Variants in NFS1 observed in about 807,000 individuals in gnomAD.
NFS1 encodes the protein NFS1 cysteine desulfurase.
Under a neutral mutation model 57.3 loss-of-function variants are expected in NFS1, and 26 were observed. That is an observed-to-expected ratio of 0.45 (90% confidence interval 0.33 to 0.63). The LOEUF is 0.63. Ranked by LOEUF, NFS1 falls within the 20% of genes least tolerant of loss-of-function variation. The pLI is 0.02. For synonymous variants in NFS1, 209 were observed against 216.3 expected (o/e 0.97, Z 0.30); for missense variants, 505 against 605.8 (o/e 0.83, Z 1.75).
Position 35,687,415 on chromosome 20 carries a change from CCTCTCTCT to C in NFS1, c.561+2990_561+2997del, listed in dbSNP as rs141567718. On this transcript the variant is annotated intron_variant, in intron 5 of 12. Coordinates refer to ENST00000374092, the MANE Select transcript of NFS1 (RefSeq NM_021100.5). ...TGGCGTAAGCTGTCTCTCTCTCTCTCCTCTCTCTCTCTCTCTCTCTCTCTGCCTTGGCT... is the reference window on the plus strand; with the variant it reads ...TGGCGTAAGCTGTCTCTCTCTCTCTCCTCTCTCTCTCTCTCTGCCTTGGCT... 4.7e-5 allele frequency among the ~76,000 whole-genome samples: 7 copies of C among 147,974 alleles called. No homozygotes were observed. In the East Asian group the frequency reaches 7.9e-4, roughly 17 times the overall value.
chr20:35,689,660 C>T (rs1363202692), intron 5 of NFS1, among the ~76,000 whole-genome samples: 1 of 150,470 alleles, frequency 6.6e-6, no homozygotes, highest in African/African-American at 2.4e-5. Context: ...ATCCCAGCTA[C>T]TTGGGAGGCC....
Position 35,699,238 on chromosome 20 carries a change from A to G in NFS1, c.51T>C (p.Ala17=). 1 of 1,432,352 alleles carries G rather than the reference A, an allele frequency of 7.0e-7. No homozygotes were observed. Among genetic ancestry groups the G allele is most frequent in the Non-Finnish European group, 9.1e-7 (1 of 1,102,332 alleles). The allele number at this position is 1,432,352 out of a possible 1,614,324, so 88.7% of individuals were successfully genotyped here. ...WRRAAVAVTA[A]PGPKPAAPTR... Reference sequence around the variant, plus strand: ...TGGGCGCCGCGGGCTTCGGCCCTGGAGCCGCTGTCACCGCCACTGCCGCCC... The same window carrying G: ...TGGGCGCCGCGGGCTTCGGCCCTGGGGCCGCTGTCACCGCCACTGCCGCCC... The change falls in exon 1 of 13, where the codon GCT becomes GCC. Residue 17 remains alanine, a synonymous_variant. Transcript: ENST00000374092. This position sits in a 1 kb window ranked among gnomAD's most constrained non-coding sequence, Gnocchi z 4.4.
chr20:35,684,972 C>T (rs1367695421), intron 5 of NFS1, among the ~76,000 whole-genome samples: 2 of 151,200 alleles, frequency 1.3e-5, no homozygotes, highest in African/African-American at 4.9e-5. Context: ...CTGCAACCTC[C>T]GCCTCCCAGG....
rs1400791724 is a variant in NFS1, at chr20:35,698,540, G to C, written c.148C>G (p.Pro50Ala). 6.2e-7 allele frequency: 1 copy of C among 1,613,678 alleles called. No individual in the cohort carries two copies. Among genetic ancestry groups the C allele is most frequent in the East Asian group, 2.2e-5 (1 of 44,846 alleles). The change falls in exon 2 of 13, where the codon CCG becomes GCG. Residue 50 changes from proline to alanine, a missense_variant. Pro to Ala is a conservative substitution (Grantham distance 27, BLOSUM62 -1). Coordinates refer to ENST00000374092, the MANE Select transcript of NFS1 (RefSeq NM_021100.5). ...GGTCGCAGCACTGGCCCCACCTCCG[G>C]GGCAGCGGCTGTATCTGCGGGAACC... ...SAVPADTAAA[P>A]EVGPVLRPLY...
intron 5 of NFS1, among the ~76,000 whole-genome samples, chr20:35,685,561 T>C (rs1030116529): frequency 1.1e-4 from 16 of 144,724 alleles, no homozygotes; most frequent in Non-Finnish European, 2.4e-4. Context: ...AAATATTTTA[T>C]ATATATATAT....
intron 7 of NFS1, chr20:35,675,834 G>A (rs1305400356): frequency 7.0e-6 from 1 of 143,204 alleles, no homozygotes; most frequent in Admixed American, 7.3e-5. Flanking sequence ...TCAAGCCACT[G>A]CACTCCAGCC....
chr20:35,669,745 G>T (rs2034623051), intron 12 of NFS1, 60 bp from the exon 13 acceptor site: 2 of 1,500,010 alleles, frequency 1.3e-6, no homozygotes, highest in Non-Finnish European at 1.9e-6. Context: ...GACAACATTG[G>T]CCCCAAGGCT....
chr20:35,685,865 CA>C (rs72491026), intron 5 of NFS1, among the ~76,000 whole-genome samples: 132 of 66,568 alleles, frequency 2.0e-3, no homozygotes, highest in Middle Eastern at 0.02. Flanking sequence ...TACCCCCCCG[CA>C]AAAAAAAAAA....
intron 4 of NFS1, among the ~76,000 whole-genome samples, chr20:35,692,666 G>C (rs139624785): frequency 4.0e-5 from 6 of 150,784 alleles, no homozygotes; most frequent in Non-Finnish European, 8.8e-5. Flanking sequence ...CTGCACTCCA[G>C]CCTAGGTGAG....
chr20:35,690,015 T>A (rs1258536060), intron 5 of NFS1, among the ~76,000 whole-genome samples: 1 of 142,198 alleles, frequency 7.0e-6, no homozygotes, highest in Non-Finnish European at 1.5e-5. Context: ...AGGAGAATCA[T>A]TAGAACCCAG....
At chr20:35,673,472 A>C in intron 11 of NFS1, 129 bp downstream of exon 11, 1 of 697,730 alleles carries the variant, frequency 1.4e-6, no homozygotes, top group Non-Finnish European at 2.4e-6. Context: ...AACTTTCACA[A>C]GGTTATGAGA....
In NFS1 at chr20:35,697,348, T is replaced by A. The variant is rs146307927; in HGVS notation, c.324+336A>T. ...ATTGAGCTCTTACTATTTATAGTAC[T>A]TCTTACTTACAGATGTTGTGGTAAT... On this transcript the variant is annotated intron_variant, in intron 3 of 12. Transcript: ENST00000374092. Among the ~76,000 whole-genome samples the A allele has an allele frequency of 1.2e-3, 180 of 152,058 alleles. 1 individual carries two copies. The highest frequency in any genetic ancestry group is 4.2e-3 in the African/African-American group (173 of 41,500).
chr20:35,679,825 G>C (rs538550539), intron 7 of NFS1, among the ~76,000 whole-genome samples: 1 of 152,274 alleles, frequency 6.6e-6, no homozygotes, highest in East Asian at 1.9e-4. Context: ...ACTTGAGAAA[G>C]AGGAGTTATA....
At chr20:35,691,278 A>G (rs1005189304) in intron 4 of NFS1, among the ~76,000 whole-genome samples, 2 of 152,168 alleles carry the variant, frequency 1.3e-5, no homozygotes, top group African/African-American at 4.8e-5. Flanking sequence ...ACCAATATTT[A>G]GCACCTCCAG....
intron 4 of NFS1, among the ~76,000 whole-genome samples, chr20:35,691,478 C>T (rs374723992): frequency 6.6e-6 from 1 of 150,570 alleles, no homozygotes; most frequent in Non-Finnish European, 1.5e-5. Context: ...CAGTGCCTCA[C>T]GACTGTAATC....
At position 35,669,363 on chromosome 20, in the gene NFS1, C is replaced by G. The variant is rs1254048053; in HGVS notation, c.*259G>C. On this transcript the variant is annotated 3_prime_UTR_variant, in exon 13 of 13. Transcript: ENST00000374092. ...GATGTGCCCAGCAGCAATATGACAG[C>G]AAATGTCTCTATGGCTTCGGGATGA... 1.0e-5 allele frequency: 4 copies of G among 386,170 alleles called. No homozygotes were observed. Among genetic ancestry groups the G allele is most frequent in the Non-Finnish European group, 1.9e-5 (4 of 209,844 alleles). The allele number at this position is 386,170 out of a possible 1,614,324, so 23.9% of individuals were successfully genotyped here. A position where few individuals can be genotyped will look rare whatever the true frequency, so the allele number is the denominator to read the frequency against.
At position 35,674,604 on chromosome 20, in the gene NFS1, C is replaced by T. The variant is rs375933198; in HGVS notation, c.962G>A (p.Arg321Gln). The change falls in exon 9 of 13, where the codon CGA (arginine) becomes CAA (glutamine). Residue 321 changes from arginine (R) to glutamine (Q), a missense_variant. Arg to Gln is a conservative substitution (Grantham distance 43, BLOSUM62 1). Transcript: ENST00000374092. ...AQQEMEYDHKRISKLSERLIQ... is the reference protein window; with the variant it reads ...AQQEMEYDHKQISKLSERLIQ... ...CAGCCGCTCTGACAACTTTGAGATT[C>T]GCTTGTGGTCATACTAAGGAGCAGG... is the stretch of plus-strand genomic sequence containing the variant. The T allele has an allele frequency of 1.9e-5, 31 of 1,613,782 alleles. No homozygotes were observed. The highest frequency in any genetic ancestry group is 1.6e-4 in the South Asian group (15 of 91,062).
intron 5 of NFS1, among the ~76,000 whole-genome samples, chr20:35,688,032 T>G (rs1468074040): frequency 6.6e-6 from 1 of 152,078 alleles, no homozygotes; most frequent in Non-Finnish European, 1.5e-5. Context: ...TCACCATAAG[T>G]AAGGAGTTAG....
intron 4 of NFS1, among the ~76,000 whole-genome samples, 177 bp downstream of exon 4, chr20:35,696,196 TAAGA>T (rs1459498565): frequency 6.6e-6 from 1 of 151,936 alleles, no homozygotes; most frequent in Non-Finnish European, 1.5e-5. Flanking sequence ...AGCAAAGACT[TAAGA>T]AAGAGTAGAC....
Sources: allele counts gnomAD v4.1 joint callset (sites outside exome capture counted in the v4.1 genomes callset), GRCh38; gene constraint gnomAD v4.1.1; non-coding constraint Gnocchi (gnomAD v3.1); transcripts MANE v1.5; gene names NCBI Gene and HGNC (gene_info 2026-07-23, HGNC 2026-07-21).